The following ACO2 variants were observed in gnomAD, a reference collection of about 807,000 sequenced individuals.
The protein encoded by ACO2 is aconitase 2, also known as aconitate hydratase, mitochondrial.
A neutral mutation model predicts 84.5 loss-of-function variants in ACO2; 31 were observed. That is an observed-to-expected ratio of 0.37 (90% CI 0.28 to 0.50). The LOEUF (loss-of-function observed/expected upper bound fraction) is 0.50, where lower values mean the gene tolerates loss of function less well. ACO2 is among the 20% of genes least tolerant of loss of function. The probability of loss-of-function intolerance (pLI) is 0.97; values close to 1 mark genes in which losing one functional copy is unlikely to be tolerated. For missense variants in ACO2, 685 were observed against 1,029.3 expected (o/e 0.67, Z 4.58); for synonymous variants, 414 against 412.7 (o/e 1.00, Z -0.04).
At chr22:41,520,060 G>C (rs1194825911) in intron 8 of ACO2, 111 bp from the exon 9 acceptor site, 6 of 889,272 alleles carry the variant, frequency 6.7e-6, no homozygotes, top group Non-Finnish European at 1.1e-5. Flanking sequence ...TCAGTCAAGA[G>C]AAAGTCGTTG....
intron 2 of ACO2, 90 bp downstream of exon 2, chr22:41,499,952 T>C (rs2066342331): frequency 2.0e-6 from 3 of 1,524,400 alleles, no homozygotes. Context: ...TTGTGAAGGA[T>C]GCTTGGTGAT....
intron 1 of ACO2, among the ~76,000 whole-genome samples, chr22:41,494,407 G>A (rs1337352944): frequency 2.0e-5 from 3 of 149,188 alleles, no homozygotes; most frequent in Non-Finnish European, 4.4e-5. Flanking sequence ...GTTGTATTCT[G>A]TATCTTTTTT....
At chr22:41,527,588 TCAGCTTCC>T in intron 16 of ACO2, 168 bp downstream of exon 16, 3 of 1,008,598 alleles carry the variant, frequency 3.0e-6, no homozygotes, top group South Asian at 1.7e-5. Context: ...CATCCGACGC[TCAGCTTCC>T]CGGCTTCCCG....
rs148408618 is a variant in ACO2, at chr22:41,520,843, G to GAA, written c.1138+581_1138+582dup. ...GGTGACAGAGCGAGGCTCCGTCTCA[G>GAA]AAAAAAAAAAAAAAATTGGCCAGGT... On this transcript the variant is annotated intron_variant, in intron 9 of 17. Coordinates refer to ENST00000216254, the MANE Select transcript of ACO2 (RefSeq NM_001098.3). Among the ~76,000 whole-genome samples, 64 of 128,004 alleles carry GAA rather than the reference G, an allele frequency of 5.0e-4. 1 individual carries two copies. The highest frequency in any genetic ancestry group is 1.5e-3 in the African/African-American group (52 of 35,200). 84.0% of individuals were successfully genotyped at this position (128,004 alleles called of 152,430 possible).
intron 2 of ACO2, among the ~76,000 whole-genome samples, chr22:41,502,172 T>G (rs2066358271): frequency 6.6e-6 from 1 of 152,126 alleles, no homozygotes; most frequent in African/African-American, 2.4e-5. Context: ...TAGAATCACC[T>G]GGGAAGCTTT....
chr22:41,514,383 T>C (rs2146123149), intron 4 of ACO2, among the ~76,000 whole-genome samples: 1 of 152,372 alleles, frequency 6.6e-6, no homozygotes, highest in East Asian at 1.9e-4. Context: ...CTGTGCCTCA[T>C]GGACAGGATC....
chr22:41,505,432 A>G (rs959083066), intron 2 of ACO2, among the ~76,000 whole-genome samples: 1 of 150,756 alleles, frequency 6.6e-6, no homozygotes, highest in Non-Finnish European at 1.5e-5. Flanking sequence ...AATAACAATA[A>G]TAATAATAAT....
intron 6 of ACO2, 104 bp from the exon 7 acceptor site, chr22:41,517,423 A>T (rs2066484108): frequency 1.1e-6 from 1 of 877,794 alleles, no homozygotes; most frequent in Non-Finnish European, 1.8e-6. Flanking sequence ...GTGGGAGGAG[A>T]AGCAATGCAG....
At chr22:41,504,555 G>C (rs778275097) in intron 2 of ACO2, among the ~76,000 whole-genome samples, 4 of 152,132 alleles carry the variant, frequency 2.6e-5, no homozygotes, top group South Asian at 2.1e-4. Flanking sequence ...TCGGGGCCCA[G>C]AAGGAGGGGC....
chr22:41,511,008 G>GTT (rs2066429521), intron 3 of ACO2, among the ~76,000 whole-genome samples: 1 of 152,118 alleles, frequency 6.6e-6, no homozygotes, highest in Non-Finnish European at 1.5e-5. Context: ...AGCCTCTGGG[G>GTT]TTTTTGTTTT....
intron 1 of ACO2, 50 bp from the exon 2 acceptor site, chr22:41,499,676 G>T (rs749698091): frequency 1.9e-6 from 3 of 1,587,136 alleles, no homozygotes; most frequent in Non-Finnish European, 2.6e-6. Context: ...CTCGGGGATG[G>T]ACTCTCCTAA....
At chr22:41,492,457 T>C (rs2066278594) in intron 1 of ACO2, among the ~76,000 whole-genome samples, 1 of 152,030 alleles carries the variant, frequency 6.6e-6, no homozygotes, top group South Asian at 2.1e-4. Flanking sequence ...GCCAACATGA[T>C]GAAACCCCGT....
In ACO2 at chr22:41,528,496, C is replaced by T. The variant is rs771726944; in HGVS notation, c.2226C>T (p.Ile742=). The T allele has an allele frequency of 2.2e-4, 349 of 1,612,238 alleles. No homozygotes were observed. Among genetic ancestry groups the T allele is most frequent in the Non-Finnish European group, 2.9e-4 (344 of 1,180,022 alleles). Residue 742 remains isoleucine (I), a synonymous_variant, in exon 18 of 18, where the codon ATC becomes ATT. Transcript: ENST00000216254. The part of the protein sequence containing the change: ...FTPGKPLKCI[I]KHPNGTQETI... ...CCTTGCAGCCCCTGAAGTGCATCAT[C>T]AAGCACCCCAACGGGACCCAGGAGA...
Position 41,481,691 on chromosome 22 carries a change from C to T in ACO2, c.36+12509C>T, listed in dbSNP as rs1400264136. On this transcript the variant is annotated intron_variant, in intron 1 of 17. Transcript: ENST00000216254. ...GGCCCTTTTCCCATCTGCCACAGCT[C>T]TGAACCCGTGCTGTTGCTCATCACG... is the stretch of plus-strand genomic sequence containing the variant. Among the ~76,000 whole-genome samples, 3 of 152,228 alleles carry T rather than the reference C, an allele frequency of 2.0e-5. No homozygotes were observed. The East Asian group carries it at 5.8e-4, about 29-fold the overall frequency.
chr22:41,527,019 TG>T, intron 15 of ACO2: 1 of 545,680 alleles, frequency 1.8e-6, no homozygotes, highest in Non-Finnish European at 3.3e-6. Flanking sequence ...CACACACACC[TG>T]CCTCTGCCAA....
chr22:41,503,963 C>T (rs895599710), intron 2 of ACO2, among the ~76,000 whole-genome samples: 3 of 152,164 alleles, frequency 2.0e-5, no homozygotes, highest in Admixed American at 6.5e-5. Context: ...CCTGTAATCC[C>T]GGCACTTTGG....
chr22:41,520,114 C>T, intron 8 of ACO2, 57 bp from the exon 9 acceptor site: 1 of 1,492,964 alleles, frequency 6.7e-7, no homozygotes, highest in Non-Finnish European at 9.3e-7. Context: ...GAGGCTGTCC[C>T]CGCTTCAAGG....
chr22:41,492,188 T>G (rs1188230694), intron 1 of ACO2, among the ~76,000 whole-genome samples: 1 of 152,254 alleles, frequency 6.6e-6, no homozygotes, highest in Non-Finnish European at 1.5e-5. Context: ...TTAGTAATTT[T>G]TAATTTTTAT....
chr22:41,499,387 C>T (rs1040952435), intron 1 of ACO2, among the ~76,000 whole-genome samples: 36 of 152,180 alleles, frequency 2.4e-4, no homozygotes, highest in African/African-American at 8.4e-4. Context: ...CCCAGTACCC[C>T]GTGTGATCAC....
Sources: gnomAD v4.1 joint callset for allele counts (sites outside exome capture counted in the v4.1 genomes callset) on GRCh38, gnomAD v4.1.1 for gene constraint, MANE v1.5 for transcripts, NCBI Gene and HGNC (gene_info 2026-07-23, HGNC 2026-07-21) for gene names.